ENPP3: variants seen among roughly 807,000 people sequenced by gnomAD.
ENPP3 encodes the protein ectonucleotide pyrophosphatase/phosphodiesterase 3.
Under a neutral mutation model 117.8 loss-of-function variants are expected in ENPP3, and 104 were observed. The observed-to-expected ratio is 0.88, with a 90% CI of 0.75 to 1.04. ENPP3 has a LOEUF of 1.04. Among genes scored for constraint, ENPP3 ranks in the 50% least tolerant of loss-of-function variants. The pLI, the probability that ENPP3 is intolerant of heterozygous loss-of-function variation, is 0.00. For synonymous variants in ENPP3, 380 were observed against 349.9 expected (o/e 1.09, Z -0.96); for missense variants, 1,026 against 1,051.9 (o/e 0.98, Z 0.34).
intron 7 of ENPP3, 113 bp downstream of exon 7, chr6:131,671,440 G>A (rs981291470): frequency 1.4e-6 from 1 of 696,578 alleles, no homozygotes; most frequent in Non-Finnish European, 2.5e-6. Context: ...TGAAGCACAT[G>A]GGGGGATAGT....
chr6:131,735,852 G>A (rs780731535), intron 21 of ENPP3, among the ~76,000 whole-genome samples: 2 of 152,074 alleles, frequency 1.3e-5, no homozygotes, highest in Admixed American at 6.6e-5. Context: ...ATTAATGGGC[G>A]TAAAGTTTCA....
At chr6:131,683,876 G>T (rs1275805300) in intron 12 of ENPP3, among the ~76,000 whole-genome samples, 8 of 150,510 alleles carry the variant, frequency 5.3e-5, no homozygotes. Context: ...TCAACCTCTT[G>T]AGTAGCTGGG....
At chr6:131,647,373 T>C (rs1218838411) in intron 2 of ENPP3, among the ~76,000 whole-genome samples, 1 of 152,204 alleles carries the variant, frequency 6.6e-6, no homozygotes, top group Non-Finnish European at 1.5e-5. Flanking sequence ...TAATGTACAT[T>C]AAGACTGTTT....
At chr6:131,653,703 T>C (rs1426928934) in intron 5 of ENPP3, among the ~76,000 whole-genome samples, 1 of 152,164 alleles carries the variant, frequency 6.6e-6, no homozygotes, top group Non-Finnish European at 1.5e-5. Flanking sequence ...TGAGCCACCA[T>C]GTCTGGCCAG....
chr6:131,729,217 C>T (rs1780222295), intron 20 of ENPP3, among the ~76,000 whole-genome samples: 1 of 152,082 alleles, frequency 6.6e-6, no homozygotes, highest in African/African-American at 2.4e-5. Flanking sequence ...GTGTTGCAAA[C>T]ATTTTTGAAC....
At chr6:131,696,042 G>C (rs891367528) in intron 15 of ENPP3, among the ~76,000 whole-genome samples, 4 of 152,136 alleles carry the variant, frequency 2.6e-5, no homozygotes, top group Non-Finnish European at 5.9e-5. Flanking sequence ...TGCATCATTT[G>C]ATAATTAGGT....
At chr6:131,718,284 T>A (rs1364709410) in intron 15 of ENPP3, among the ~76,000 whole-genome samples, 2 of 152,194 alleles carry the variant, frequency 1.3e-5, no homozygotes, top group African/African-American at 4.8e-5. Flanking sequence ...TTCTTCAGCA[T>A]ATAGTCATTG....
At chr6:131,723,154 C>G (rs74553642) in intron 18 of ENPP3, among the ~76,000 whole-genome samples, 3,126 of 152,220 alleles carry the variant, frequency 0.021, 104 homozygotes, top group African/African-American at 0.07. Context: ...TGCCAAGTTC[C>G]AAATGTGTTT....
At chr6:131,697,633 C>T (rs190669159) in intron 15 of ENPP3, among the ~76,000 whole-genome samples, 311 of 151,842 alleles carry the variant, frequency 2.0e-3, no homozygotes, top group Non-Finnish European at 3.7e-3. Flanking sequence ...GGTCATCAGG[C>T]GTTAGATTTT....
chr6:131,746,965 T>A lies in ENPP3; in HGVS notation c.*9T>A. The A allele has an allele frequency of 6.7e-7, 1 of 1,501,658 alleles. No homozygotes were observed. Among genetic ancestry groups the A allele is most frequent in the South Asian group, 1.2e-5 (1 of 83,972 alleles). The allele number at this position is 1,501,658 out of a possible 1,614,324, so 93.0% of individuals were successfully genotyped here. On this transcript the variant is annotated 3_prime_UTR_variant, in exon 25 of 25. Coordinates refer to ENST00000357639, the MANE Select transcript of ENPP3 (RefSeq NM_005021.5). Reference sequence around the variant, plus strand: ...TTGAAACCACTATTTAACTTAATAATGTCTACTTAATATATAATTTACTGT... The same window carrying A: ...TTGAAACCACTATTTAACTTAATAAAGTCTACTTAATATATAATTTACTGT...
chr6:131,700,669 A>G (rs1451707118), intron 15 of ENPP3: 25 of 1,559,288 alleles, frequency 1.6e-5, no homozygotes, highest in Non-Finnish European at 2.1e-5. Flanking sequence ...CCAATCACAC[A>G]GAGGTGGGAG....
At chr6:131,640,144 T>C (rs188091989) in intron 1 of ENPP3, among the ~76,000 whole-genome samples, 29 of 152,334 alleles carry the variant, frequency 1.9e-4, no homozygotes, top group Non-Finnish European at 3.7e-4. Context: ...TTGATTTTTC[T>C]AGCAAGTTTG....
chr6:131,685,639 C>T, intron 13 of ENPP3, 144 bp downstream of exon 13: 1 of 779,728 alleles, frequency 1.3e-6, no homozygotes, highest in Non-Finnish European at 2.1e-6. Flanking sequence ...GGGAAATTCC[C>T]ATGCTTAAGT....
chr6:131,646,363 C>G (rs1778153532), intron 2 of ENPP3, among the ~76,000 whole-genome samples: 1 of 150,006 alleles, frequency 6.7e-6, no homozygotes, highest in Non-Finnish European at 1.5e-5. Context: ...TCAAGTTTTT[C>G]TTTGATGTTG....
At chr6:131,736,538 A>G (rs1780401756) in intron 21 of ENPP3, among the ~76,000 whole-genome samples, 1 of 152,032 alleles carries the variant, frequency 6.6e-6, no homozygotes, top group Admixed American at 6.6e-5. Context: ...ATTACCTCCC[A>G]CAGGGTCCCT....
intron 2 of ENPP3, among the ~76,000 whole-genome samples, chr6:131,648,391 G>A (rs1318969343): frequency 6.6e-6 from 1 of 151,538 alleles, no homozygotes; most frequent in African/African-American, 2.4e-5. Flanking sequence ...AATTTTTTTT[G>A]TATATGTTGT....
intron 14 of ENPP3, among the ~76,000 whole-genome samples, chr6:131,691,872 G>T (rs1319426982): frequency 6.6e-6 from 1 of 152,052 alleles, no homozygotes; most frequent in Non-Finnish European, 1.5e-5. Flanking sequence ...ATTGGCTTAA[G>T]AAAGAAGTAA....
At chr6:131,727,555 C>CAAA (rs773470669) in intron 20 of ENPP3, among the ~76,000 whole-genome samples, 166 of 51,494 alleles carry the variant, frequency 3.2e-3, no homozygotes, top group Middle Eastern at 0.011. Flanking sequence ...AAGTCCATCT[C>CAAA]AAAAAAAAAA....
rs139467613 is a variant in ENPP3 at position 131,729,469 on chromosome 6, G to C, written c.1953+3269G>C. Among the ~76,000 whole-genome samples, 603 of 152,198 alleles carry C rather than the reference G, an allele frequency of 4.0e-3. 4 individuals carry two copies. Among genetic ancestry groups the C allele is most frequent in the African/African-American group, 0.014 (572 of 41,524 alleles). On this transcript the variant is annotated intron_variant, in intron 20 of 24. Coordinates refer to ENST00000357639, the MANE Select transcript of ENPP3 (RefSeq NM_005021.5). ...CAGACTAAAAGTACAAGCAGCTCAC[G>C]TTCCTGTCTATACTCATCATTTACT...
Sources: gnomAD v4.1 joint callset for allele counts (sites outside exome capture counted in the v4.1 genomes callset) on GRCh38, gnomAD v4.1.1 for gene constraint, MANE v1.5 for transcripts, NCBI Gene and HGNC (gene_info 2026-07-23, HGNC 2026-07-21) for gene names.